The following EYA1 variants were observed in gnomAD, a reference collection of about 807,000 sequenced individuals.
The protein encoded by EYA1 is EYA transcriptional coactivator and phosphatase 1.
A neutral mutation model predicts 82.0 loss-of-function variants in EYA1; 16 were observed. The ratio of observed to expected loss-of-function variants is 0.20; its 90% CI spans 0.13 to 0.30. The LOEUF is 0.30. Among genes scored for constraint, EYA1 ranks in the 10% least tolerant of loss-of-function variants. The pLI, the probability that EYA1 is intolerant of heterozygous loss-of-function variation, is 1.00. For missense variants in EYA1, 633 were observed against 730.7 expected (o/e 0.87, Z 1.54); for synonymous variants, 261 against 264.4 (o/e 0.99, Z 0.12).
chr8:71,328,639 A>G (rs1040927782), intron 4 of EYA1, among the ~76,000 whole-genome samples: 3 of 151,998 alleles, frequency 2.0e-5, no homozygotes, highest in Admixed American at 6.5e-5. Context: ...CTTCCAAACC[A>G]TTGGTTTTCT....
At chr8:71,242,838 G>A (rs1812649612) in intron 12 of EYA1, among the ~76,000 whole-genome samples, 2 of 146,866 alleles carry the variant, frequency 1.4e-5, no homozygotes, top group South Asian at 2.1e-4. Flanking sequence ...GTGCAATGGC[G>A]TGATCTCTGG....
chr8:71,319,082 C>T (rs1021479453), intron 6 of EYA1, among the ~76,000 whole-genome samples: 11 of 151,556 alleles, frequency 7.3e-5, no homozygotes, highest in Admixed American at 3.9e-4. Context: ...TGAGACTATA[C>T]TGATCTGCTT....
At chr8:71,273,078 G>A (rs557900589) in intron 9 of EYA1, among the ~76,000 whole-genome samples, 28 of 152,306 alleles carry the variant, frequency 1.8e-4, no homozygotes, top group African/African-American at 6.7e-4. Flanking sequence ...AGTCAGAGTA[G>A]ATAGGAAAGG....
chr8:71,317,754 A>G, intron 6 of EYA1, 65 bp from the exon 7 acceptor site: 2 of 1,476,102 alleles, frequency 1.4e-6, no homozygotes, highest in Non-Finnish European at 9.5e-7. Context: ...ATACAAAAAC[A>G]TACACTTCCA....
chr8:71,221,470 A>C (rs1325779579), intron 12 of EYA1, among the ~76,000 whole-genome samples: 1 of 152,204 alleles, frequency 6.6e-6, no homozygotes, highest in East Asian at 1.9e-4. Flanking sequence ...AGACGTGGGA[A>C]GAGAGTAATT....
intron 2 of EYA1, among the ~76,000 whole-genome samples, chr8:71,453,840 T>C (rs904664374): frequency 2.6e-5 from 4 of 152,136 alleles, no homozygotes; most frequent in African/African-American, 4.8e-5. Context: ...AGACCATCGA[T>C]GCTAGGAAGA....
chr8:71,214,926 A>ATGC (rs1808991149), intron 16 of EYA1, among the ~76,000 whole-genome samples: 1 of 152,234 alleles, frequency 6.6e-6, no homozygotes, highest in Non-Finnish European at 1.5e-5. Context: ...AGAAGCTTTT[A>ATGC]AATCTCCACA....
chr8:71,486,176 G>A (rs1455061233), intron 2 of EYA1, among the ~76,000 whole-genome samples: 1 of 152,092 alleles, frequency 6.6e-6, no homozygotes. Flanking sequence ...TGCCTGACTT[G>A]GGGATATTCC....
At chr8:71,365,161 A>T (rs1827683335), upstream of EYA1, among the ~76,000 whole-genome samples, 1 of 151,640 alleles carries the variant, frequency 6.6e-6, no homozygotes, top group South Asian at 2.1e-4. Flanking sequence ...ACAGTTGATT[A>T]ATCAAATTAA....
At chr8:71,490,541 T>G (rs1278734948) in intron 2 of EYA1, among the ~76,000 whole-genome samples, 1 of 152,120 alleles carries the variant, frequency 6.6e-6, no homozygotes, top group East Asian at 1.9e-4. Flanking sequence ...ATTGGACACA[T>G]CAACACCAAT....
intron 7 of EYA1, among the ~76,000 whole-genome samples, chr8:71,308,383 T>C (rs997626269): frequency 1.3e-5 from 2 of 152,188 alleles, no homozygotes; most frequent in Non-Finnish European, 2.9e-5. Context: ...CCAGGGACAG[T>C]GCATCACAAA....
chr8:71,219,322 C>T (rs1353862887), intron 12 of EYA1, among the ~76,000 whole-genome samples: 3 of 151,910 alleles, frequency 2.0e-5, no homozygotes, highest in African/African-American at 7.3e-5. Flanking sequence ...GGAGTAGTGA[C>T]AAGGAAATCC....
At position 71,305,182 on chromosome 8, in the gene EYA1, G is replaced by A. The variant is rs150609480; in HGVS notation, c.557-5462C>T. Among the ~76,000 whole-genome samples, 53 of 143,000 alleles carry A rather than the reference G, an allele frequency of 3.7e-4. 3 individuals carry two copies. In the East Asian group the frequency reaches 7.0e-3, roughly 19 times the overall value. 93.8% of individuals were successfully genotyped at this position (143,000 alleles called of 152,430 possible). A position where few individuals can be genotyped will look rare whatever the true frequency, so the allele number is the denominator to read the frequency against. ...ATTCTTTAATCAAAATAATATAGAA[G>A]TATTTTCTTTTCTAGAAACAAATGA... On this transcript the variant is annotated intron_variant, in intron 7 of 17. Transcript: ENST00000340726.
intron 7 of EYA1, among the ~76,000 whole-genome samples, chr8:71,303,881 C>T (rs4737315): frequency 0.55 from 77,001 of 140,432 alleles, 26,567 homozygotes; most frequent in East Asian, 0.87. Flanking sequence ...GATAAGGAAA[C>T]GGAGGGTCAG....
chr8:71,476,839 C>T (rs80264577), intron 2 of EYA1, among the ~76,000 whole-genome samples: 1,853 of 152,044 alleles, frequency 0.012, 42 homozygotes, highest in African/African-American at 0.042. Flanking sequence ...TACAAAGCCA[C>T]AGTAATACAA....
At chr8:71,534,279 A>G (rs962838544) in intron 2 of EYA1, among the ~76,000 whole-genome samples, 6 of 152,254 alleles carry the variant, frequency 3.9e-5, no homozygotes, top group Non-Finnish European at 5.9e-5. Context: ...TTCAAATATC[A>G]CAGACCCAAC....
intron 2 of EYA1, among the ~76,000 whole-genome samples, chr8:71,431,727 G>C (rs1343783880): frequency 6.6e-6 from 1 of 152,122 alleles, no homozygotes; most frequent in Non-Finnish European, 1.5e-5. Context: ...CTGTGTTACT[G>C]AAAGAGACTC....
At chr8:71,412,663 T>A (rs1275936518) in intron 2 of EYA1, among the ~76,000 whole-genome samples, 1 of 152,164 alleles carries the variant, frequency 6.6e-6, no homozygotes, top group African/African-American at 2.4e-5. Flanking sequence ...AAATTTAGTG[T>A]TACATTTTAA....
chr8:71,321,611 A>T, intron 6 of EYA1, 123 bp downstream of exon 6: 1 of 1,230,556 alleles, frequency 8.1e-7, no homozygotes, highest in Non-Finnish European at 1.1e-6. Context: ...CTAAGAATTT[A>T]GACACAGAAG....
Sources: allele counts gnomAD v4.1 joint callset (sites outside exome capture counted in the v4.1 genomes callset), GRCh38; gene constraint gnomAD v4.1.1; transcripts MANE v1.5; gene names NCBI Gene and HGNC (gene_info 2026-07-23, HGNC 2026-07-21).